The following CSMD1 variants were observed in gnomAD, a reference collection of about 807,000 sequenced individuals.
CSMD1 encodes the protein CUB and Sushi multiple domains 1.
Under a neutral mutation model 417.5 loss-of-function variants are expected in CSMD1, and 213 were observed. That is an observed-to-expected ratio of 0.51 (90% CI 0.46 to 0.57). The LOEUF is 0.57. CSMD1 is among the 20% of genes least tolerant of loss of function. The probability of loss-of-function intolerance (pLI) is 0.00; values close to 1 mark genes in which losing one functional copy is unlikely to be tolerated. For missense variants in CSMD1, 6,923 were observed against 4,529.7 expected, an observed-to-expected ratio of 1.53 and a Z score of -15.17; for synonymous variants, 2,862 against 1,736.8, an observed-to-expected ratio of 1.65 and a Z score of -16.11.
chr8:4,557,253 T>A (rs1327641555), intron 2 of CSMD1, among the ~76,000 whole-genome samples: 2 of 152,196 alleles, frequency 1.3e-5, no homozygotes, highest in African/African-American at 4.8e-5. Context: ...TAGAATTTCT[T>A]AGCTCTTACA....
intron 3 of CSMD1, among the ~76,000 whole-genome samples, chr8:4,341,496 A>C (rs756692486): frequency 6.6e-6 from 1 of 152,142 alleles, no homozygotes; most frequent in Non-Finnish European, 1.5e-5. Flanking sequence ...ACTACTCTGC[A>C]TATCATGAAT....
intron 5 of CSMD1, among the ~76,000 whole-genome samples, chr8:3,796,379 T>TATAG (rs557651001): frequency 0.11 from 5,509 of 48,172 alleles, 1,678 homozygotes; most frequent in African/African-American, 0.25. Flanking sequence ...CTATCATGTA[T>TATAG]ATATATATCT....
chr8:3,958,947 T>A (rs1812145617), intron 5 of CSMD1, among the ~76,000 whole-genome samples: 1 of 152,210 alleles, frequency 6.6e-6, no homozygotes, highest in Non-Finnish European at 1.5e-5. Flanking sequence ...TTTTGAGCCC[T>A]GACCTTGGCT....
At position 3,347,906 on chromosome 8, in the gene CSMD1, T is replaced by A. The variant is rs1808118083; in HGVS notation, c.3474+86A>T. The stretch of plus-strand genomic sequence containing the variant: ...ATAAAAATATATGTTAATATGTGCA[T>A]ATATCTATATGTAGAAAAATAGATA... On this transcript the variant is annotated intron_variant, in intron 22 of 69. Coordinates refer to ENST00000635120, the MANE Select transcript of CSMD1 (RefSeq NM_033225.6). 3 of 830,840 alleles carry A rather than the reference T, an allele frequency of 3.6e-6. No individual in the cohort carries two copies. In the African/African-American group the frequency reaches 5.3e-5, roughly 15 times the overall value. The allele number at this position is 830,840 out of a possible 1,614,324, so 51.5% of individuals were successfully genotyped here. A position where few individuals can be genotyped will look rare whatever the true frequency, so the allele number is the denominator to read the frequency against.
chr8:3,568,821 A>G (rs1364739687), intron 10 of CSMD1, among the ~76,000 whole-genome samples: 1 of 152,052 alleles, frequency 6.6e-6, no homozygotes, highest in African/African-American at 2.4e-5. Flanking sequence ...AATCTTTCCA[A>G]TGAAGACCCT....
At chr8:3,989,563 C>T (rs1563290455) in intron 5 of CSMD1, among the ~76,000 whole-genome samples, 2 of 152,030 alleles carry the variant, frequency 1.3e-5, no homozygotes, top group Non-Finnish European at 2.9e-5. Flanking sequence ...TTCCTTTTTC[C>T]CCAAACAAGA....
At chr8:3,164,369 T>A (rs1820083424) in intron 37 of CSMD1, among the ~76,000 whole-genome samples, 1 of 152,216 alleles carries the variant, frequency 6.6e-6, no homozygotes, top group Non-Finnish European at 1.5e-5. Context: ...AGCAGCAATA[T>A]ACTTTATTCC....
Position 3,330,438 on chromosome 8 carries a change from T to C in CSMD1, c.3631+12856A>G, listed in dbSNP as rs1276943016. Among the ~76,000 whole-genome samples, 4 of 152,210 alleles carry C rather than the reference T, an allele frequency of 2.6e-5. No homozygotes were observed. In the East Asian group the frequency reaches 7.7e-4, roughly 29 times the overall value. ...CCATAAAAAGGAATGAGATCATGTC[T>C]TTTGTGAGAACATGGATGGAGCTGG... is the stretch of plus-strand genomic sequence containing the variant. On this transcript the variant is annotated intron_variant, in intron 23 of 69. Transcript: ENST00000635120.
chr8:3,349,517 C>T (rs146271429), intron 21 of CSMD1, among the ~76,000 whole-genome samples: 1 of 151,938 alleles, frequency 6.6e-6, no homozygotes, highest in African/African-American at 2.4e-5. Context: ...GACAGAAAAG[C>T]AGGCTTTGGA....
At chr8:4,005,874 G>A (rs529839922) in intron 4 of CSMD1, among the ~76,000 whole-genome samples, 1 of 152,198 alleles carries the variant, frequency 6.6e-6, no homozygotes, top group Non-Finnish European at 1.5e-5. Context: ...CCATGAACAG[G>A]AGCTGGCTGC....
intron 3 of CSMD1, among the ~76,000 whole-genome samples, chr8:4,120,837 G>C (rs1022604945): frequency 6.6e-6 from 1 of 152,142 alleles, no homozygotes; most frequent in Admixed American, 6.5e-5. Context: ...ACAAAGGAGG[G>C]AGAAGTCTTT....
intron 5 of CSMD1, among the ~76,000 whole-genome samples, chr8:3,943,416 T>C (rs1181148404): frequency 4.8e-4 from 39 of 81,574 alleles, no homozygotes; most frequent in Non-Finnish European, 7.4e-4. Flanking sequence ...AGTTGTTTTT[T>C]TTTCATTAAA....
rs143093667 is a variant in CSMD1 at position 4,413,071 on chromosome 8, T to C, written c.415+6882A>G. 1.3e-4 allele frequency among the ~76,000 whole-genome samples: 20 copies of C among 152,318 alleles called. No homozygotes were observed. The East Asian group carries it at 3.9e-3, about 29-fold the overall frequency. Reference sequence around the variant, plus strand: ...GACTTACAAAATTACGCATATAATTTCACAGCTTCATGGAAAGAGATATTT... The same window carrying C: ...GACTTACAAAATTACGCATATAATTCCACAGCTTCATGGAAAGAGATATTT... On this transcript the variant is annotated intron_variant, in intron 3 of 69. Coordinates refer to ENST00000635120, the MANE Select transcript of CSMD1 (RefSeq NM_033225.6).
chr8:4,859,106 A>G (rs922592749), intron 1 of CSMD1, among the ~76,000 whole-genome samples: 3 of 152,152 alleles, frequency 2.0e-5, no homozygotes, highest in Non-Finnish European at 2.9e-5. Flanking sequence ...CTCAGAAATA[A>G]TGTCACATAT....
chr8:3,367,811 AG>A (rs1365708879), intron 19 of CSMD1, among the ~76,000 whole-genome samples: 1 of 152,224 alleles, frequency 6.6e-6, no homozygotes, highest in Non-Finnish European at 1.5e-5. Context: ...TGTATATTTA[AG>A]AAAAACAGGT....
At chr8:3,489,838 A>C (rs562218613) in intron 11 of CSMD1, among the ~76,000 whole-genome samples, 1 of 152,326 alleles carries the variant, frequency 6.6e-6, no homozygotes, top group Admixed American at 6.5e-5. Context: ...TATTTCCCAC[A>C]AAATGGAAAC....
At chr8:4,169,439 T>C (rs1156585315) in intron 3 of CSMD1, among the ~76,000 whole-genome samples, 2 of 152,154 alleles carry the variant, frequency 1.3e-5, no homozygotes, top group African/African-American at 2.4e-5. Context: ...CTTTAATCTT[T>C]CAGCTAGTTT....
intron 3 of CSMD1, among the ~76,000 whole-genome samples, chr8:4,064,182 G>A (rs1337384687): frequency 1.3e-5 from 2 of 152,188 alleles, no homozygotes; most frequent in South Asian, 2.1e-4. Context: ...GCAAACTAAA[G>A]ACATTAGGAG....
intron 2 of CSMD1, among the ~76,000 whole-genome samples, chr8:4,459,548 T>G (rs1799682939): frequency 6.6e-6 from 1 of 152,204 alleles, no homozygotes; most frequent in African/African-American, 2.4e-5. Context: ...AGCCTGGTGC[T>G]TTCACTAGAG....
Sources: gnomAD v4.1 joint callset for allele counts (sites outside exome capture counted in the v4.1 genomes callset) on GRCh38, gnomAD v4.1.1 for gene constraint, MANE v1.5 for transcripts, NCBI Gene and HGNC (gene_info 2026-07-23, HGNC 2026-07-21) for gene names.